DHRSX: variants seen among roughly 807,000 people sequenced by gnomAD.
DHRSX encodes polyprenol dehydrogenase.
In DHRSX, 31 loss-of-function variants were observed where a neutral mutation model predicts 34.0. That is an observed-to-expected ratio of 0.91 (90% CI 0.69 to 1.23). The LOEUF (loss-of-function observed/expected upper bound fraction) is 1.23, where lower values mean the gene tolerates loss of function less well. DHRSX is among the 50% of genes most tolerant of loss of function. The pLI, the probability that DHRSX is intolerant of heterozygous loss-of-function variation, is 0.00. For synonymous variants in DHRSX, 201 were observed against 183.8 expected (o/e 1.09, Z -0.76); for missense variants, 414 against 428.1 (o/e 0.97, Z 0.29).
chrX:2,412,307 C>T (rs1232292487), intron 2 of DHRSX, among the ~76,000 whole-genome samples: 1 of 152,152 alleles, frequency 6.6e-6, no homozygotes, highest in African/African-American at 2.4e-5. Context: ...TGGTCTTGAA[C>T]GCCTGACCTC....
At chrX:2,366,924 T>C (rs9785606) in intron 3 of DHRSX, among the ~76,000 whole-genome samples, 2,517 of 152,086 alleles carry the variant, frequency 0.017, 68 homozygotes, top group African/African-American at 0.058. Flanking sequence ...TCTCACTCCT[T>C]TGCACCGGAA....
intron 3 of DHRSX, among the ~76,000 whole-genome samples, chrX:2,321,264 C>T (rs1283213522): frequency 6.6e-6 from 1 of 152,112 alleles, no homozygotes; most frequent in Non-Finnish European, 1.5e-5. Flanking sequence ...TTACAGAACC[C>T]GGCTCCATTG....
At chrX:2,387,966 G>A (rs1000079131) in intron 3 of DHRSX, among the ~76,000 whole-genome samples, 1 of 146,380 alleles carries the variant, frequency 6.8e-6, no homozygotes, top group African/African-American at 2.5e-5. Context: ...ATCTTGTTCT[G>A]TGCCAGGGAG....
At chrX:2,414,744 C>T (rs745555979) in intron 2 of DHRSX, among the ~76,000 whole-genome samples, 16 of 151,830 alleles carry the variant, frequency 1.1e-4, no homozygotes, top group Admixed American at 5.9e-4. Context: ...ATTATGACAA[C>T]GAACTAGATC....
At chrX:2,348,622 A>G (rs1317104640) in intron 3 of DHRSX, among the ~76,000 whole-genome samples, 1 of 152,118 alleles carries the variant, frequency 6.6e-6, no homozygotes, top group African/African-American at 2.4e-5. Context: ...AAACTGCCCA[A>G]TGTCTGCTAT....
intron 1 of DHRSX, among the ~76,000 whole-genome samples, chrX:2,491,961 A>G (rs1348301070): frequency 1.3e-5 from 2 of 152,190 alleles, no homozygotes; most frequent in Admixed American, 1.3e-4. Context: ...GCCCAAAATG[A>G]CAGCTGGGCT....
chrX:2,292,218 C>T (rs2041875165), intron 3 of DHRSX, among the ~76,000 whole-genome samples: 1 of 152,176 alleles, frequency 6.6e-6, no homozygotes, highest in Non-Finnish European at 1.5e-5. Flanking sequence ...GGGCCAGAAC[C>T]TGGGCATGGC....
chrX:2,245,592 G>A (rs755290403), intron 5 of DHRSX, among the ~76,000 whole-genome samples: 16 of 151,198 alleles, frequency 1.1e-4, no homozygotes, highest in Non-Finnish European at 2.2e-4. Flanking sequence ...TTACAGGCGT[G>A]AGCCACCGCA....
intron 3 of DHRSX, among the ~76,000 whole-genome samples, chrX:2,390,544 A>G (rs1188556743): frequency 6.6e-6 from 1 of 152,146 alleles, no homozygotes; most frequent in Non-Finnish European, 1.5e-5. Flanking sequence ...AAATACATTC[A>G]TATTGTTATG....
intron 3 of DHRSX, among the ~76,000 whole-genome samples, chrX:2,404,772 C>T (rs1442382942): frequency 6.6e-6 from 1 of 151,976 alleles, no homozygotes; most frequent in East Asian, 1.9e-4. Context: ...AATAACCAAA[C>T]TCTTTGTTCA....
chrX:2,500,301 C>A (rs748325705), intron 1 of DHRSX: 1 of 186,542 alleles, frequency 5.4e-6, no homozygotes, highest in East Asian at 1.3e-4. Context: ...AAGGGCCCAT[C>A]CTCACTTACC....
At chrX:2,328,994 C>T (rs1402480085) in intron 3 of DHRSX, among the ~76,000 whole-genome samples, 1 of 152,102 alleles carries the variant, frequency 6.6e-6, no homozygotes, top group Non-Finnish European at 1.5e-5. Flanking sequence ...GGGGATGGTA[C>T]CTACTAAGAG....
chrX:2,500,079 T>C (rs183531217), intron 1 of DHRSX, among the ~76,000 whole-genome samples: 37 of 152,314 alleles, frequency 2.4e-4, no homozygotes, highest in African/African-American at 8.2e-4. Context: ...ACAGAAGTTA[T>C]CTGCATACAC....
At position 2,298,614 on chromosome X, in the gene DHRSX, A is replaced by ACACACACACACACACACACACG. The variant is rs1556457249; in HGVS notation, c.287-7012_287-7011insCGTGTGTGTGTGTGTGTGTGTG. Among the ~76,000 whole-genome samples the ACACACACACACACACACACACG allele has an allele frequency of 2.9e-3, 237 of 82,990 alleles. 14 individuals carry two copies. The highest frequency in any genetic ancestry group is 8.6e-3 in the African/African-American group (211 of 24,456). 54.4% of individuals were successfully genotyped at this position (82,990 alleles called of 152,430 possible). A position where few individuals can be genotyped will look rare whatever the true frequency, so the allele number is the denominator to read the frequency against. On this transcript the variant is annotated intron_variant, in intron 3 of 6. Coordinates refer to ENST00000334651, the MANE Select transcript of DHRSX (RefSeq NM_145177.3). ...CAGGCGCGTGTGTACACACACACACACACACACACACACACACACACACGA... is the reference window on the plus strand; with the variant it reads ...CAGGCGCGTGTGTACACACACACACACACACACACACACACACACACGCACACACACACACACACACACACGA...
At chrX:2,320,868 A>C (rs745817604) in intron 3 of DHRSX, among the ~76,000 whole-genome samples, 2 of 152,146 alleles carry the variant, frequency 1.3e-5, no homozygotes, top group South Asian at 4.2e-4. Flanking sequence ...GTTAAGTGCA[A>C]GACAGCAGCC....
At chrX:2,499,843 G>A (rs1408923281) in intron 1 of DHRSX, among the ~76,000 whole-genome samples, 6 of 151,910 alleles carry the variant, frequency 3.9e-5, no homozygotes, top group Admixed American at 6.6e-5. Flanking sequence ...CCAGGAGTTC[G>A]AGACCAGCCT....
intron 3 of DHRSX, among the ~76,000 whole-genome samples, chrX:2,291,896 ATT>A (rs928376249): frequency 7.3e-5 from 7 of 96,104 alleles, no homozygotes; most frequent in South Asian, 3.6e-4. Context: ...GTATTTTTGT[ATT>A]TTTTTTTTTT....
At chrX:2,353,259 G>A (rs898853624) in intron 3 of DHRSX, among the ~76,000 whole-genome samples, 16 of 151,892 alleles carry the variant, frequency 1.1e-4, no homozygotes, top group Non-Finnish European at 2.2e-4. Context: ...AAGAAAAAGC[G>A]TCCAACACCA....
At chrX:2,450,462 C>CA (rs931352100) in intron 1 of DHRSX, among the ~76,000 whole-genome samples, 5 of 149,898 alleles carry the variant, frequency 3.3e-5, no homozygotes, top group African/African-American at 4.9e-5. Context: ...AACTCTGTCT[C>CA]AAAAAAAAAG....
Sources: gnomAD v4.1 joint callset for allele counts (sites outside exome capture counted in the v4.1 genomes callset) on GRCh38, gnomAD v4.1.1 for gene constraint, MANE v1.5 for transcripts, NCBI Gene and HGNC (gene_info 2026-07-23, HGNC 2026-07-21) for gene names.